Variants in ANXA4 observed in about 807,000 individuals in gnomAD.
ANXA4 encodes 35-beta calcimedin.
Under a neutral mutation model 49.8 loss-of-function variants are expected in ANXA4, and 39 were observed. The observed-to-expected ratio is 0.78, with a 90% CI of 0.61 to 1.02. The LOEUF (loss-of-function observed/expected upper bound fraction) is 1.02, where lower values mean the gene tolerates loss of function less well. Ranked by LOEUF, ANXA4 falls within the 50% of genes least tolerant of loss-of-function variation. ANXA4 has a pLI of 0.00. For missense variants in ANXA4, 360 were observed against 410.1 expected, an observed-to-expected ratio of 0.88 and a Z score of 1.05; for synonymous variants, 134 against 152.5, an observed-to-expected ratio of 0.88 and a Z score of 0.89.
At chr2:69,762,886 C>T (rs964295249) in intron 1 of ANXA4, among the ~76,000 whole-genome samples, 1 of 151,960 alleles carries the variant, frequency 6.6e-6, no homozygotes, top group Non-Finnish European at 1.5e-5. Context: ...CACACTCATA[C>T]TCACTCACAC....
At chr2:69,781,270 T>G (rs1672187433) in intron 1 of ANXA4, 2 of 539,100 alleles carry the variant, frequency 3.7e-6, no homozygotes, top group South Asian at 2.2e-5. Context: ...GAATCCTTTC[T>G]GTAGTGTGTA....
intron 2 of ANXA4, among the ~76,000 whole-genome samples, chr2:69,663,163 T>C (rs1318295579): frequency 6.6e-6 from 1 of 151,318 alleles, no homozygotes; most frequent in East Asian, 1.9e-4. Flanking sequence ...CAGCTATTTT[T>C]TTTTGTATTT....
At chr2:69,781,663 A>T in intron 2 of ANXA4, 89 bp downstream of exon 2, 8 of 1,431,196 alleles carry the variant, frequency 5.6e-6, no homozygotes, top group East Asian at 2.3e-5. Context: ...TAAACAAAGC[A>T]TTGTTTACTC....
intron 2 of ANXA4, among the ~76,000 whole-genome samples, chr2:69,782,740 C>T (rs1672252181): frequency 6.6e-6 from 1 of 152,296 alleles, no homozygotes; most frequent in African/African-American, 2.4e-5. Context: ...TAATGAGATG[C>T]TCTTCCTGTC....
chr2:69,668,457 T>C (rs539043630), intron 2 of ANXA4, among the ~76,000 whole-genome samples: 27 of 152,222 alleles, frequency 1.8e-4, no homozygotes, highest in Middle Eastern at 3.4e-3. Flanking sequence ...ACAAAAAATT[T>C]TTTTAAAAAA....
intron 12 of ANXA4, among the ~76,000 whole-genome samples, chr2:69,824,652 T>A (rs925038766): frequency 6.6e-6 from 1 of 151,932 alleles, no homozygotes; most frequent in South Asian, 2.1e-4. Context: ...TAGTGAAAAA[T>A]TGAAACAACG....
At chr2:69,824,717 G>C (rs760161014) in intron 12 of ANXA4, among the ~76,000 whole-genome samples, 5 of 151,986 alleles carry the variant, frequency 3.3e-5, no homozygotes, top group Non-Finnish European at 5.9e-5. Context: ...TATTTTACCT[G>C]CATACAATGG....
chr2:69,696,801 G>A (rs60384557), intron 2 of ANXA4, among the ~76,000 whole-genome samples: 253 of 152,300 alleles, frequency 1.7e-3, no homozygotes, highest in African/African-American at 6.0e-3. Context: ...TTGTCAAGAA[G>A]CAGTAATATA....
intron 1 of ANXA4, among the ~76,000 whole-genome samples, chr2:69,743,605 C>G (rs1486578365): frequency 6.6e-6 from 1 of 152,130 alleles, no homozygotes. Context: ...GATAAGAAAA[C>G]GGATAACCCC....
intron 1 of ANXA4, among the ~76,000 whole-genome samples, chr2:69,767,404 T>C (rs1287702305): frequency 6.6e-6 from 1 of 152,170 alleles, no homozygotes; most frequent in Non-Finnish European, 1.5e-5. Context: ...AACTTTGCTA[T>C]TGTGGTTGGA....
chr2:69,653,904 TTCTA>T (rs1304034185), intron 2 of ANXA4, among the ~76,000 whole-genome samples: 1 of 152,254 alleles, frequency 6.6e-6, no homozygotes, highest in Non-Finnish European at 1.5e-5. Flanking sequence ...TATTGATTCT[TTCTA>T]TCTATGAGCA....
At chr2:69,680,428 T>C (rs564806522) in intron 2 of ANXA4, among the ~76,000 whole-genome samples, 22 of 152,318 alleles carry the variant, frequency 1.4e-4, no homozygotes, top group Admixed American at 6.5e-4. Flanking sequence ...TTTCTAGATA[T>C]AAGATCATGT....
chr2:69,685,711 T>C (rs1010167200), intron 2 of ANXA4, among the ~76,000 whole-genome samples: 2 of 152,202 alleles, frequency 1.3e-5, no homozygotes, highest in Non-Finnish European at 2.9e-5. Flanking sequence ...TAAGCAATAC[T>C]TGCTTTAACG....
intron 2 of ANXA4, among the ~76,000 whole-genome samples, chr2:69,696,747 G>A (rs771784884): frequency 1.1e-4 from 16 of 152,194 alleles, no homozygotes; most frequent in Non-Finnish European, 2.2e-4. Context: ...ACAACATTCA[G>A]CTCCTTGTAC....
chr2:69,688,443 G>C (rs528658824), intron 2 of ANXA4, among the ~76,000 whole-genome samples: 1 of 152,316 alleles, frequency 6.6e-6, no homozygotes, highest in East Asian at 1.9e-4. Context: ...CTGATGATAA[G>C]CGTCTAGATC....
intron 8 of ANXA4, chr2:69,815,394 A>C (rs1166724137): frequency 6.6e-6 from 1 of 152,280 alleles, no homozygotes; most frequent in East Asian, 1.9e-4. Flanking sequence ...AGGTAAGCCC[A>C]ATGAGCCACA....
intron 3 of ANXA4, chr2:69,720,957 C>G (rs1033332645): frequency 3.9e-5 from 6 of 152,384 alleles, no homozygotes; most frequent in African/African-American, 1.4e-4. Context: ...TCCTCTGATT[C>G]TCACCAAAGT....
At chr2:69,721,822 T>C (rs1209721225) in intron 3 of ANXA4, among the ~76,000 whole-genome samples, 1 of 152,228 alleles carries the variant, frequency 6.6e-6, no homozygotes, top group Non-Finnish European at 1.5e-5. Context: ...CTTTATTATA[T>C]TCCTGTAGTT....
intron 1 of ANXA4, among the ~76,000 whole-genome samples, chr2:69,768,895 G>C (rs1671598036): frequency 6.6e-6 from 1 of 152,032 alleles, no homozygotes; most frequent in South Asian, 2.1e-4. Context: ...GAGCAACATA[G>C]TGAGACCCCA....
Sources: allele counts gnomAD v4.1 joint callset (sites outside exome capture counted in the v4.1 genomes callset), GRCh38; gene constraint gnomAD v4.1.1; transcripts MANE v1.5; gene names NCBI Gene and HGNC (gene_info 2026-07-23, HGNC 2026-07-21).